ATXN1: variants seen among roughly 807,000 people sequenced by gnomAD.
ATXN1 encodes ataxin-1.
In ATXN1, 8 loss-of-function variants were observed where a neutral mutation model predicts 56.4. That is an observed-to-expected ratio of 0.14 (90% CI 0.08 to 0.26). ATXN1 has a LOEUF of 0.26. Ranked by LOEUF, ATXN1 falls within the 10% of genes least tolerant of loss-of-function variation. The probability of loss-of-function intolerance (pLI) is 1.00; values close to 1 mark genes in which losing one functional copy is unlikely to be tolerated. For missense variants in ATXN1, 987 were observed against 1,106.5 expected, an observed-to-expected ratio of 0.89 and a Z score of 1.53; for synonymous variants, 514 against 494.6, an observed-to-expected ratio of 1.04 and a Z score of -0.52.
At chr6:16,336,910 G>T (rs1453588313) in intron 6 of ATXN1, among the ~76,000 whole-genome samples, 4 of 152,150 alleles carry the variant, frequency 2.6e-5, no homozygotes, top group Non-Finnish European at 5.9e-5. Context: ...TTTGGGCAAT[G>T]GATACGACTA....
At chr6:16,720,207 T>C (rs945542987) in intron 2 of ATXN1, among the ~76,000 whole-genome samples, 12 of 152,112 alleles carry the variant, frequency 7.9e-5, no homozygotes, top group Admixed American at 2.6e-4. Context: ...GCAGTCTCTG[T>C]ACAAAAGCCC....
intron 3 of ATXN1, among the ~76,000 whole-genome samples, chr6:16,630,354 C>G (rs1194769076): frequency 1.3e-5 from 2 of 152,190 alleles, no homozygotes; most frequent in Non-Finnish European, 2.9e-5. Context: ...ACAGAACCAG[C>G]CTTATCACTT....
rs1374584785 is a variant in ATXN1 at position 16,327,652 on chromosome 6, T to A, written c.659A>T (p.Gln220Leu). The change falls in exon 7 of 8, where the codon CAG becomes CTG. Residue 220 changes from glutamine (Q) to leucine (L), a missense_variant. Around this residue, in one of 3 missense-constraint regions of ATXN1, gnomAD observed 723 missense variants for 791.7 expected, o/e 0.91. Transcript: ENST00000436367. ...GCTGAGGTGCTGCTGCTGCTGCTGC[T>A]GCTGCTGCTGCTGCTGCTGCTGCTG... Reference protein sequence around the residue: ...QHQQQQQQQQQQQQQQHLSRA... With the variant: ...QHQQQQQQQQLQQQQQHLSRA... The A allele has an allele frequency of 6.5e-7, 1 of 1,547,536 alleles. No homozygotes were observed. The highest frequency in any genetic ancestry group is 1.9e-5 in the Admixed American group (1 of 51,770).
chr6:16,471,905 A>G (rs1018096855), intron 6 of ATXN1, among the ~76,000 whole-genome samples: 2 of 152,330 alleles, frequency 1.3e-5, no homozygotes, highest in South Asian at 2.1e-4. Flanking sequence ...ACCCCCATGC[A>G]TTAATCAAGA....
chr6:16,447,172 G>C (rs1013045447), intron 6 of ATXN1, among the ~76,000 whole-genome samples: 4 of 152,174 alleles, frequency 2.6e-5, no homozygotes, highest in African/African-American at 9.6e-5. Flanking sequence ...CAGACAATCA[G>C]AAACAGACAT....
chr6:16,700,755 G>A (rs1006414715), intron 2 of ATXN1, among the ~76,000 whole-genome samples: 3 of 152,106 alleles, frequency 2.0e-5, no homozygotes, highest in African/African-American at 7.2e-5. Context: ...AAGGGGATCT[G>A]GGCTGCAGAT....
intron 2 of ATXN1, chr6:16,738,766 T>C (rs1025432099): frequency 1.3e-5 from 2 of 152,266 alleles, no homozygotes; most frequent in African/African-American, 4.8e-5. Flanking sequence ...ACCCGTGTCT[T>C]TGTCCATAAA....
chr6:16,488,944 T>C (rs1047453976), intron 5 of ATXN1, among the ~76,000 whole-genome samples: 5 of 152,100 alleles, frequency 3.3e-5, no homozygotes, highest in Admixed American at 2.0e-4. Context: ...TATCTTGCCA[T>C]CGGACCTGGG....
chr6:16,658,487 CA>C (rs1245979493), intron 2 of ATXN1, among the ~76,000 whole-genome samples: 1 of 152,196 alleles, frequency 6.6e-6, no homozygotes, highest in African/African-American at 2.4e-5. Flanking sequence ...AGCTGAAAAG[CA>C]GTAGTTACTT....
rs560552575 is a variant in ATXN1, at chr6:16,567,541, A to G, written c.-361+18239T>C. On this transcript the variant is annotated intron_variant, in intron 4 of 7. Coordinates refer to ENST00000436367, the MANE Select transcript of ATXN1 (RefSeq NM_001128164.2). Reference sequence around the variant, plus strand: ...AATATGGAAGCACATCACCCTGACAATCTAACTCTGACAAGCTTGCATAGT... The same window carrying G: ...AATATGGAAGCACATCACCCTGACAGTCTAACTCTGACAAGCTTGCATAGT... Among the ~76,000 whole-genome samples the G allele has an allele frequency of 3.3e-5, 5 of 152,312 alleles. No individual in the cohort carries two copies. In the South Asian group the frequency reaches 8.3e-4, roughly 25 times the overall value.
At chr6:16,681,905 G>C (rs1382177148) in intron 2 of ATXN1, among the ~76,000 whole-genome samples, 2 of 152,186 alleles carry the variant, frequency 1.3e-5, no homozygotes, top group Non-Finnish European at 2.9e-5. Flanking sequence ...TACAGAACTT[G>C]AGGGGGAAAA....
At chr6:16,504,927 G>T (rs1305848803) in intron 5 of ATXN1, among the ~76,000 whole-genome samples, 1 of 151,674 alleles carries the variant, frequency 6.6e-6, no homozygotes, top group East Asian at 1.9e-4. Flanking sequence ...TTGCATGGTT[G>T]GTTCAGGCTC....
intron 4 of ATXN1, among the ~76,000 whole-genome samples, chr6:16,582,298 AC>A (rs920890475): frequency 1.8e-4 from 27 of 152,308 alleles, no homozygotes; most frequent in African/African-American, 6.5e-4. Flanking sequence ...CTCCCTGAGA[AC>A]TGTAAACTCC....
At chr6:16,708,896 C>T (rs749455875) in intron 2 of ATXN1, among the ~76,000 whole-genome samples, 1 of 151,922 alleles carries the variant, frequency 6.6e-6, no homozygotes, top group African/African-American at 2.4e-5. Context: ...CACGGTGGTG[C>T]ATGCCTGTAA....
At chr6:16,428,118 C>CTTTT (rs10650162) in intron 6 of ATXN1, among the ~76,000 whole-genome samples, 2 of 133,518 alleles carry the variant, frequency 1.5e-5, no homozygotes, top group Non-Finnish European at 1.6e-5. Flanking sequence ...TAGACCAGGC[C>CTTTT]TTTTTTTTTT....
chr6:16,381,663 C>T (rs186086945), intron 6 of ATXN1, among the ~76,000 whole-genome samples: 1 of 152,336 alleles, frequency 6.6e-6, no homozygotes, highest in African/African-American at 2.4e-5. Context: ...TATTGTGCCC[C>T]TCACCTGACT....
intron 6 of ATXN1, among the ~76,000 whole-genome samples, chr6:16,467,320 T>C (rs1480855036): frequency 6.6e-6 from 1 of 152,244 alleles, no homozygotes; most frequent in Non-Finnish European, 1.5e-5. Flanking sequence ...ATGAAGAGGA[T>C]GCAGCGATGT....
intron 2 of ATXN1, among the ~76,000 whole-genome samples, chr6:16,677,642 G>A (rs77891423): frequency 6.6e-6 from 1 of 152,082 alleles, no homozygotes; most frequent in South Asian, 2.1e-4. Flanking sequence ...CATTTGTGCC[G>A]TTGTCTGCTG....
rs140257227 is a variant in ATXN1, at chr6:16,328,206, G to T, written c.105C>A (p.Ser35Arg). Residue 35 changes from serine to arginine, a missense_variant, in exon 7 of 8, where the codon AGC (serine) becomes AGA (arginine). This residue lies in a region of ATXN1 where 723 missense variants were observed against 791.7 expected (regional missense o/e 0.91). Coordinates refer to ENST00000436367, the MANE Select transcript of ATXN1 (RefSeq NM_001128164.2). The surrounding 1 kb of genome is among the most constrained non-coding windows in gnomAD (Gnocchi z 6.2). ...SSEEKAPTLP[S>R]DNHRVEGTAW... ...CTGTGCCCTCCACCCGGTGGTTGTC[G>T]CTGGGCAGGGTAGGGGCCTTCTCCT... 1.6e-5 allele frequency: 25 copies of T among 1,597,608 alleles called. No homozygotes were observed. Among genetic ancestry groups the T allele is most frequent in the Non-Finnish European group, 2.1e-5 (25 of 1,169,908 alleles).
Sources: allele counts gnomAD v4.1 joint callset (sites outside exome capture counted in the v4.1 genomes callset), GRCh38; gene constraint gnomAD v4.1.1; regional missense constraint gnomAD v4.1.1; non-coding constraint Gnocchi (gnomAD v3.1); transcripts MANE v1.5; gene names NCBI Gene and HGNC (gene_info 2026-07-23, HGNC 2026-07-21).